Variants in EPHA6 observed in about 807,000 individuals in gnomAD.
EPHA6 encodes the protein ephrin type-A receptor 6.
A neutral mutation model predicts 112.0 loss-of-function variants in EPHA6; 50 were observed. The observed-to-expected ratio is 0.45, with a 90% CI of 0.36 to 0.56. The LOEUF (loss-of-function observed/expected upper bound fraction) is 0.56, where lower values mean the gene tolerates loss of function less well. Ranked by LOEUF, EPHA6 falls within the 20% of genes least tolerant of loss-of-function variation. The probability of loss-of-function intolerance (pLI) is 0.00; values close to 1 mark genes in which losing one functional copy is unlikely to be tolerated. For missense variants in EPHA6, 1,280 were observed against 1,417.4 expected, an observed-to-expected ratio of 0.90 and a Z score of 1.56; for synonymous variants, 529 against 490.7, an observed-to-expected ratio of 1.08 and a Z score of -1.03.
At chr3:97,736,682 A>G (rs1430126250) in intron 16 of EPHA6, among the ~76,000 whole-genome samples, 1 of 152,000 alleles carries the variant, frequency 6.6e-6, no homozygotes, top group Non-Finnish European at 1.5e-5. Flanking sequence ...ACAGATAACA[A>G]GACAAGAAAA....
intron 4 of EPHA6, among the ~76,000 whole-genome samples, chr3:97,241,415 T>A (rs2078842392): frequency 6.6e-6 from 1 of 151,292 alleles, no homozygotes; most frequent in Non-Finnish European, 1.5e-5. Context: ...TACCTGGGAG[T>A]TTTCAATACA....
rs144019336 is a variant in EPHA6, at chr3:97,105,938, A to C, written c.1114+117945A>C. Among the ~76,000 whole-genome samples, 718 of 152,120 alleles carry C rather than the reference A, an allele frequency of 4.7e-3. 6 individuals carry two copies. The highest frequency in any genetic ancestry group is 0.017 in the African/African-American group (692 of 41,504). On this transcript the variant is annotated intron_variant, in intron 3 of 17. Transcript: ENST00000389672. ...TGTCTCTTTTCATCTTTGTTGGTTT[A>C]AAGTCTGTTTTGTCTAAAATTAGGA...
chr3:97,012,539 T>C (rs1411978935), intron 3 of EPHA6, among the ~76,000 whole-genome samples: 1 of 148,178 alleles, frequency 6.7e-6, no homozygotes, highest in Non-Finnish European at 1.5e-5. Context: ...TATTTTTATA[T>C]ATGAATATAT....
Position 96,814,609 on chromosome 3 carries a change from G to A in EPHA6, c.-15G>A. 1.5e-6 allele frequency: 2 copies of A among 1,378,912 alleles called. No individual in the cohort carries two copies. Among genetic ancestry groups the A allele is most frequent in the Non-Finnish European group, 1.9e-6 (2 of 1,062,184 alleles). The allele number at this position is 1,378,912 out of a possible 1,614,324, so 85.4% of individuals were successfully genotyped here. A position where few individuals can be genotyped will look rare whatever the true frequency, so the allele number is the denominator to read the frequency against. On this transcript the variant is annotated 5_prime_UTR_variant, in exon 1 of 18. Transcript: ENST00000389672. ...CCAAGTGAATAGTCCTCGCGCAAGC[G>A]GGACACTGTGGTGGATGCAATTCCC... is the stretch of plus-strand genomic sequence containing the variant.
At chr3:97,377,435 C>G (rs1450580218) in intron 5 of EPHA6, among the ~76,000 whole-genome samples, 1 of 151,998 alleles carries the variant, frequency 6.6e-6, no homozygotes, top group Non-Finnish European at 1.5e-5. Context: ...CATGAAAACA[C>G]CAGACTAATA....
At chr3:96,970,229 G>C (rs1308443567) in intron 2 of EPHA6, among the ~76,000 whole-genome samples, 3 of 148,334 alleles carry the variant, frequency 2.0e-5, no homozygotes, top group African/African-American at 7.6e-5. Flanking sequence ...CCTCTTCTCT[G>C]CCTCTTCATA....
intron 1 of EPHA6, among the ~76,000 whole-genome samples, chr3:96,839,511 A>G (rs992425433): frequency 3.3e-5 from 5 of 152,126 alleles, no homozygotes; most frequent in Admixed American, 2.6e-4. Flanking sequence ...CCGCTGCCCT[A>G]AAGACCTAAG....
At chr3:97,310,828 T>C (rs2108751895) in intron 5 of EPHA6, among the ~76,000 whole-genome samples, 1 of 151,840 alleles carries the variant, frequency 6.6e-6, no homozygotes, top group African/African-American at 2.4e-5. Context: ...TTCCTTGAAA[T>C]AGCTTAAGCA....
At chr3:96,965,265 G>A (rs573219205) in intron 2 of EPHA6, among the ~76,000 whole-genome samples, 2 of 151,952 alleles carry the variant, frequency 1.3e-5, no homozygotes, top group Non-Finnish European at 2.9e-5. Flanking sequence ...TAGAAGTAAG[G>A]TGTTTTTCTC....
intron 5 of EPHA6, among the ~76,000 whole-genome samples, chr3:97,290,229 G>A (rs1004128571): frequency 7.2e-5 from 11 of 152,102 alleles, no homozygotes; most frequent in African/African-American, 2.7e-4. Context: ...TCATTCTGGA[G>A]TAAGTTGTTT....
At chr3:97,458,254 C>A (rs1230947143) in intron 7 of EPHA6, among the ~76,000 whole-genome samples, 1 of 151,934 alleles carries the variant, frequency 6.6e-6, no homozygotes. Flanking sequence ...GAGCACATTA[C>A]TGTACTATAA....
Position 97,015,040 on chromosome 3 carries a change from G to GA in EPHA6, c.1114+27051dup, listed in dbSNP as rs377757036. 5.5e-3 allele frequency among the ~76,000 whole-genome samples: 841 copies of GA among 152,220 alleles called. 7 individuals are homozygous for GA. The highest frequency in any genetic ancestry group is 0.02 in the African/African-American group (819 of 41,554). On this transcript the variant is annotated intron_variant, in intron 3 of 17. Coordinates refer to ENST00000389672, the MANE Select transcript of EPHA6 (RefSeq NM_001080448.3). ...CCTCCACCAACAAGTAAATTAAACT[G>GA]AAAATTATTGACACAAGTTTTATCA...
chr3:97,334,478 C>CTTTTTTTTTTTTTTTTTTT (rs1354125066), intron 5 of EPHA6, among the ~76,000 whole-genome samples: 1 of 128,066 alleles, frequency 7.8e-6, no homozygotes. Context: ...TTTTTTTCTT[C>CTTTTTTTTTTTTTTTTTTT]TTTTTTTTTT....
chr3:96,934,152 A>C (rs1200917136), intron 2 of EPHA6, among the ~76,000 whole-genome samples: 1 of 151,954 alleles, frequency 6.6e-6, no homozygotes, highest in Non-Finnish European at 1.5e-5. Context: ...GGGGCAAGTA[A>C]ATTTACACAT....
intron 3 of EPHA6, among the ~76,000 whole-genome samples, chr3:97,102,141 CAT>C (rs2047422615): frequency 6.6e-6 from 1 of 152,038 alleles, no homozygotes; most frequent in Non-Finnish European, 1.5e-5. Flanking sequence ...AAGAAACACT[CAT>C]AGCTTGTGAG....
intron 2 of EPHA6, among the ~76,000 whole-genome samples, chr3:96,893,332 G>A (rs938291424): frequency 2.6e-5 from 4 of 152,216 alleles, no homozygotes; most frequent in East Asian, 1.9e-4. Flanking sequence ...ATCATGTTAT[G>A]TGGACAGATG....
Position 97,228,539 on chromosome 3 carries a change from G to GTATATA in EPHA6, c.1270+2133_1270+2138dup, listed in dbSNP as rs112022130. Among the ~76,000 whole-genome samples the GTATATA allele has an allele frequency of 3.1e-3, 459 of 146,042 alleles. 2 individuals are homozygous for GTATATA. Among genetic ancestry groups the GTATATA allele is most frequent in the African/African-American group, 0.01 (419 of 39,948 alleles). On this transcript the variant is annotated intron_variant, in intron 4 of 17. Coordinates refer to ENST00000389672, the MANE Select transcript of EPHA6 (RefSeq NM_001080448.3). ...CATTCTATGGTGTGTGTGTGTGTGT[G>GTATATA]TATATATATATATATATAATGTAAA... is the stretch of plus-strand genomic sequence containing the variant.
chr3:97,131,520 G>A (rs927054274), intron 3 of EPHA6, among the ~76,000 whole-genome samples: 22 of 152,080 alleles, frequency 1.4e-4, no homozygotes, highest in African/African-American at 5.3e-4. Flanking sequence ...TGAGGTATTG[G>A]AAAAATCTGT....
At chr3:97,115,696 G>A (rs952299969) in intron 3 of EPHA6, among the ~76,000 whole-genome samples, 35 of 151,670 alleles carry the variant, frequency 2.3e-4, no homozygotes, top group Non-Finnish European at 5.0e-4. Context: ...TATATTTTAT[G>A]TTTTGTGGAT....
Sources: gnomAD v4.1 joint callset for allele counts (sites outside exome capture counted in the v4.1 genomes callset) on GRCh38, gnomAD v4.1.1 for gene constraint, MANE v1.5 for transcripts, NCBI Gene and HGNC (gene_info 2026-07-23, HGNC 2026-07-21) for gene names.